The following C5orf22 variants were observed in gnomAD, a reference collection of about 807,000 sequenced individuals.
C5orf22 encodes chromosome 5 open reading frame 22, also known as UPF0489 protein C5orf22.
In C5orf22, 36 loss-of-function variants were observed where a neutral mutation model predicts 48.7. That is an observed-to-expected ratio of 0.74 (90% CI 0.57 to 0.98). The LOEUF (loss-of-function observed/expected upper bound fraction) is 0.98, where lower values mean the gene tolerates loss of function less well. Ranked by LOEUF, C5orf22 falls within the 50% of genes least tolerant of loss-of-function variation. C5orf22 has a pLI of 0.00. For missense variants in C5orf22, 486 were observed against 521.9 expected (o/e 0.93, Z 0.67); for synonymous variants, 141 against 180.8 (o/e 0.78, Z 1.76).
At chr5:31,552,051 G>T (rs1743308039) in intron 8 of C5orf22, among the ~76,000 whole-genome samples, 1 of 152,114 alleles carries the variant, frequency 6.6e-6, no homozygotes, top group Non-Finnish European at 1.5e-5. Flanking sequence ...TTCTCACTCT[G>T]TCCTCTAGAA....
At chr5:31,537,745 G>T (rs1279150307) in intron 3 of C5orf22, among the ~76,000 whole-genome samples, 1 of 152,180 alleles carries the variant, frequency 6.6e-6, no homozygotes, top group African/African-American at 2.4e-5. Context: ...TAAAGATTCA[G>T]CTGGTATGAG....
intron 3 of C5orf22, among the ~76,000 whole-genome samples, chr5:31,536,369 A>G (rs972901839): frequency 6.6e-6 from 1 of 151,972 alleles, no homozygotes; most frequent in African/African-American, 2.4e-5. Context: ...AAATACAAAA[A>G]CAAATTAGCC....
chr5:31,534,513 G>T, intron 2 of C5orf22, 96 bp downstream of exon 2: 2 of 1,102,432 alleles, frequency 1.8e-6, no homozygotes, highest in South Asian at 1.7e-5. Flanking sequence ...TAAACTCATG[G>T]GTTTGGGGGT....
chr5:31,540,613 C>T (rs2150074471), intron 4 of C5orf22, among the ~76,000 whole-genome samples: 1 of 152,276 alleles, frequency 6.6e-6, no homozygotes, highest in East Asian at 1.9e-4. Context: ...ATTTATATAG[C>T]AGAATATTAT....
intron 6 of C5orf22, among the ~76,000 whole-genome samples, chr5:31,543,680 C>T (rs1742611267): frequency 1.3e-5 from 2 of 152,174 alleles, no homozygotes; most frequent in South Asian, 4.1e-4. Context: ...AAAAATAAGT[C>T]ACAGGACAGG....
chr5:31,539,020 C>T (rs1185991966), intron 4 of C5orf22, among the ~76,000 whole-genome samples: 1 of 152,124 alleles, frequency 6.6e-6, no homozygotes, highest in East Asian at 1.9e-4. Flanking sequence ...TATATACAGT[C>T]AGCCCTCTGT....
At chr5:31,540,801 T>C (rs1016853799) in intron 4 of C5orf22, 148 bp from the exon 5 acceptor site, 5 of 615,550 alleles carry the variant, frequency 8.1e-6, no homozygotes, top group Middle Eastern at 4.3e-4. Context: ...AAAGTATACA[T>C]TTTGCCTGAT....
Position 31,535,755 on chromosome 5 carries a change from T to C in C5orf22, c.239T>C (p.Ile80Thr). 1 of 1,597,736 alleles carries C rather than the reference T, an allele frequency of 6.3e-7. No homozygotes were observed. The highest frequency in any genetic ancestry group is 1.3e-5 in the African/African-American group (1 of 74,078). ...TGTTTCTTTTCCAGAGAATTAAGTA[T>C]TGAAAATTGGATTATGCCTGCAGTT... The part of the protein sequence containing the change: ...DKETLFGELS[I>T]ENWIMPAVYA... Residue 80 changes from isoleucine (I) to threonine (T), a missense_variant, in exon 3 of 9, where the codon ATT (isoleucine) becomes ACT (threonine). By Grantham distance (89) the Ile-to-Thr change is moderately conservative (BLOSUM62 -1). Coordinates refer to ENST00000325366, the MANE Select transcript of C5orf22 (RefSeq NM_018356.3).
At chr5:31,535,359 A>G (rs533549396) in intron 2 of C5orf22, among the ~76,000 whole-genome samples, 74 of 152,362 alleles carry the variant, frequency 4.9e-4, no homozygotes, top group African/African-American at 1.6e-3. Flanking sequence ...TTAAAAATGT[A>G]TACTCAGGAT....
chr5:31,548,278 G>A (rs1331310469), intron 7 of C5orf22, among the ~76,000 whole-genome samples: 4 of 151,524 alleles, frequency 2.6e-5, no homozygotes, highest in Non-Finnish European at 5.9e-5. Flanking sequence ...TCCAGCTTGG[G>A]TGACAGAGCG....
intron 4 of C5orf22, among the ~76,000 whole-genome samples, chr5:31,539,934 C>G (rs1742348108): frequency 6.6e-6 from 1 of 151,840 alleles, no homozygotes; most frequent in Non-Finnish European, 1.5e-5. Flanking sequence ...TGCCTGTGGT[C>G]CAGCTACTCA....
In C5orf22 at chr5:31,538,504, A is replaced by G. The variant is rs1742252430; in HGVS notation, c.622A>G (p.Thr208Ala). The G allele has an allele frequency of 1.9e-6, 3 of 1,614,112 alleles. No homozygotes were observed. In the Admixed American group the frequency reaches 5.0e-5, roughly 27 times the overall value. ...AGAAGGACTGGAAAAGGACACAGCAACACAGAGAAGTGACCAGACTTGCCT... is the reference window on the plus strand; with the variant it reads ...AGAAGGACTGGAAAAGGACACAGCAGCACAGAGAAGTGACCAGACTTGCCT... Reference protein sequence around the residue: ...SSEGLEKDTATQRSDQTCLEP... With the variant: ...SSEGLEKDTAAQRSDQTCLEP... The change falls in exon 4 of 9, where the codon ACA becomes GCA. Residue 208 changes from threonine (T) to alanine (A), a missense_variant. Transcript: ENST00000325366.
In C5orf22 at chr5:31,538,384, C is replaced by T; in HGVS notation, c.502C>T (p.Gln168Ter). The part of the protein sequence containing the change: ...MVKPYKLCNN[Q>*]EENDAVSSAK... ...AAAACCTTATAAACTCTGTAACAATCAAGAAGAAAACGATGCAGTGTCTTC... is the reference window on the plus strand; with the variant it reads ...AAAACCTTATAAACTCTGTAACAATTAAGAAGAAAACGATGCAGTGTCTTC... Residue 168 changes from glutamine (Q) to a stop codon, truncating the protein, a stop_gained, in exon 4 of 9, where the codon CAA (glutamine) becomes TAA (stop). Coordinates refer to ENST00000325366, the MANE Select transcript of C5orf22 (RefSeq NM_018356.3). LOFTEE classifies it high-confidence loss of function. 2 of 1,614,136 alleles carry T rather than the reference C, an allele frequency of 1.2e-6. No homozygotes were observed. The highest frequency in any genetic ancestry group is 1.1e-5 in the South Asian group (1 of 91,082).
intron 7 of C5orf22, among the ~76,000 whole-genome samples, chr5:31,548,314 A>AT (rs1743024198): frequency 6.6e-6 from 1 of 151,942 alleles, no homozygotes. Flanking sequence ...AAAAAAAAAA[A>AT]CTGGATGCCT....
intron 1 of C5orf22, 78 bp downstream of exon 1, chr5:31,532,551 C>A: frequency 7.8e-7 from 1 of 1,274,636 alleles, no homozygotes; most frequent in South Asian, 1.3e-5. Flanking sequence ...GAGGGCGCAA[C>A]CTTAGCATCG....
intron 6 of C5orf22, among the ~76,000 whole-genome samples, chr5:31,544,635 C>T (rs16899766): frequency 0.015 from 2,350 of 151,792 alleles, 68 homozygotes; most frequent in African/African-American, 0.054. Context: ...AGGATTTTTC[C>T]GATTATAATT....
At chr5:31,551,563 A>G in intron 8 of C5orf22, 131 bp downstream of exon 8, 2 of 693,828 alleles carry the variant, frequency 2.9e-6, no homozygotes, top group South Asian at 3.9e-5. Flanking sequence ...TTGAGATGAG[A>G]TTATCCTGGA....
intron 2 of C5orf22, chr5:31,535,053 C>T (rs926276936): frequency 4.4e-6 from 2 of 450,614 alleles, no homozygotes; most frequent in Non-Finnish European, 8.9e-6. Flanking sequence ...CTTTCACAGG[C>T]ATGTAATTGG....
intron 7 of C5orf22, among the ~76,000 whole-genome samples, chr5:31,549,421 T>C (rs1273212675): frequency 6.6e-6 from 1 of 152,160 alleles, no homozygotes; most frequent in Non-Finnish European, 1.5e-5. Context: ...AAAGAATATT[T>C]TGGTGAAACC....
Sources: allele counts gnomAD v4.1 joint callset (sites outside exome capture counted in the v4.1 genomes callset), GRCh38; gene constraint gnomAD v4.1.1; transcripts MANE v1.5; gene names NCBI Gene and HGNC (gene_info 2026-07-23, HGNC 2026-07-21).